JAK2: variants seen among roughly 807,000 people sequenced by gnomAD.
JAK2 encodes tyrosine-protein kinase JAK2.
A neutral mutation model predicts 139.3 loss-of-function variants in JAK2; 86 were observed. The ratio of observed to expected loss-of-function variants is 0.62; its 90% CI spans 0.52 to 0.74. JAK2 has a LOEUF of 0.74. Ranked by LOEUF, JAK2 falls within the 30% of genes least tolerant of loss-of-function variation. The pLI, the probability that JAK2 is intolerant of heterozygous loss-of-function variation, is 0.00. For synonymous variants in JAK2, 490 were observed against 437.7 expected, an observed-to-expected ratio of 1.12 and a Z score of -1.49; for missense variants, 1,421 against 1,360.3, an observed-to-expected ratio of 1.04 and a Z score of -0.70.
rs149753991 is a variant in JAK2 at position 5,023,357 on chromosome 9, A to G, written c.226+1144A>G. ...TGATTACATTCTTTTTTACGATGCCACTGGGCCCCAGGGGAGTACGCATTC... is the reference window on the plus strand; with the variant it reads ...TGATTACATTCTTTTTTACGATGCCGCTGGGCCCCAGGGGAGTACGCATTC... On this transcript the variant is annotated intron_variant, in intron 3 of 24. Transcript: ENST00000381652. 2.6e-5 allele frequency among the ~76,000 whole-genome samples: 4 copies of G among 152,164 alleles called. No individual in the cohort carries two copies. The East Asian group carries it at 7.7e-4, about 29-fold the overall frequency.
intron 8 of JAK2, among the ~76,000 whole-genome samples, chr9:5,062,159 A>C (rs1818222125): frequency 6.6e-6 from 1 of 152,096 alleles, no homozygotes; most frequent in Non-Finnish European, 1.5e-5. Context: ...ATGGATGGAA[A>C]ATATAGTATT....
At chr9:5,041,605 A>G (rs1586687560) in intron 4 of JAK2, 1 of 496,932 alleles carries the variant, frequency 2.0e-6, no homozygotes, top group East Asian at 5.5e-5. Flanking sequence ...GAGAAGCCCG[A>G]CTGTGACTAC....
chr9:5,111,032 C>A, intron 22 of JAK2: 1 of 877,288 alleles, frequency 1.1e-6, no homozygotes, highest in Non-Finnish European at 1.8e-6. Context: ...GCCTCCCTGG[C>A]CGGGGCGCAA....
At chr9:5,006,549 A>C (rs1259273614) in intron 2 of JAK2, among the ~76,000 whole-genome samples, 2 of 152,190 alleles carry the variant, frequency 1.3e-5, no homozygotes, top group Non-Finnish European at 2.9e-5. Context: ...GGCTGTACAC[A>C]AGGCATGGCT....
chr9:5,085,190 T>C (rs1563988285), intron 19 of JAK2: 3 of 658,056 alleles, frequency 4.6e-6, no homozygotes, highest in Admixed American at 1.8e-5. Context: ...AACCATCTCA[T>C]GATCATAGCA....
chr9:5,062,792 A>G (rs1818279782), intron 8 of JAK2, among the ~76,000 whole-genome samples: 1 of 152,146 alleles, frequency 6.6e-6, no homozygotes, highest in African/African-American at 2.4e-5. Flanking sequence ...CTGTCCTGTT[A>G]TATTTCATTT....
intron 20 of JAK2, among the ~76,000 whole-genome samples, chr9:5,090,172 T>C (rs983824570): frequency 6.6e-6 from 1 of 152,256 alleles, no homozygotes; most frequent in African/African-American, 2.4e-5. Context: ...TCGATATCAA[T>C]GAGGAGAAAG....
At chr9:5,105,923 T>TAAAG (rs1385436516) in intron 22 of JAK2, among the ~76,000 whole-genome samples, 1 of 152,214 alleles carries the variant, frequency 6.6e-6, no homozygotes, top group Non-Finnish European at 1.5e-5. Flanking sequence ...CAAGATGGAT[T>TAAAG]AAAGACTTAA....
In JAK2 at chr9:5,042,671, G is replaced by A. The variant is rs77274685; in HGVS notation, c.351-1732G>A. Among the ~76,000 whole-genome samples, 359 of 152,282 alleles carry A rather than the reference G, an allele frequency of 2.4e-3. 3 individuals are homozygous for A. Among genetic ancestry groups the A allele is most frequent in the African/African-American group, 8.1e-3 (336 of 41,570 alleles). ...CCCTCATCCAAAGGCCGTTTTCTCA[G>A]TGGGAGGGCAGGCCTGGCCTGGAGG... On this transcript the variant is annotated intron_variant, in intron 4 of 24. Coordinates refer to ENST00000381652, the MANE Select transcript of JAK2 (RefSeq NM_004972.4).
chr9:5,057,775 G>A (rs534849062), intron 8 of JAK2, among the ~76,000 whole-genome samples: 7 of 151,916 alleles, frequency 4.6e-5, no homozygotes, highest in Admixed American at 1.3e-4. Flanking sequence ...TAGAGACGGG[G>A]TTTCACCATG....
rs1229744947 is a variant in JAK2, at chr9:5,123,213, T to C, written c.3177+92T>C. 6.8e-5 allele frequency: 51 copies of C among 748,900 alleles called. No individual in the cohort carries two copies. The East Asian group carries it at 1.3e-3, about 19-fold the overall frequency. 46.4% of individuals were successfully genotyped at this position (748,900 alleles called of 1,614,324 possible). The stretch of plus-strand genomic sequence containing the variant: ...TACAAGTACAATTTTGCTACATGCA[T>C]ACATTGCATAGTGGTGAAGTCAGAG... On this transcript the variant is annotated intron_variant, in intron 23 of 24. Transcript: ENST00000381652.
chr9:5,023,437 G>A (rs962512515), intron 3 of JAK2, among the ~76,000 whole-genome samples: 2 of 152,280 alleles, frequency 1.3e-5, no homozygotes, highest in East Asian at 1.9e-4. Flanking sequence ...AGGACTCGGG[G>A]GGAGCGTGGG....
chr9:5,022,653 C>T (rs1007094377), intron 3 of JAK2, among the ~76,000 whole-genome samples: 10 of 152,142 alleles, frequency 6.6e-5, no homozygotes, highest in African/African-American at 1.9e-4. Flanking sequence ...CCAATCTTTC[C>T]TCATATATAT....
intron 4 of JAK2, among the ~76,000 whole-genome samples, chr9:5,038,100 A>G (rs1056417835): frequency 1.3e-5 from 2 of 152,174 alleles, no homozygotes; most frequent in Admixed American, 6.5e-5. Flanking sequence ...AAGGCCATTA[A>G]TGATTTGTTC....
chr9:5,110,952 C>T (rs1822445535), intron 22 of JAK2: 1 of 593,834 alleles, frequency 1.7e-6, no homozygotes, highest in Non-Finnish European at 3.2e-6. Flanking sequence ...TGGACACGGA[C>T]AAGGAGCTCA....
chr9:5,047,705 T>A (rs1267570176), intron 5 of JAK2, among the ~76,000 whole-genome samples: 1 of 152,196 alleles, frequency 6.6e-6, no homozygotes, highest in Non-Finnish European at 1.5e-5. Context: ...TTGTCTTGCT[T>A]CAGCCTGTCA....
intron 2 of JAK2, among the ~76,000 whole-genome samples, chr9:4,999,603 G>A (rs919918499): frequency 6.6e-6 from 1 of 152,202 alleles, no homozygotes; most frequent in East Asian, 1.9e-4. Flanking sequence ...CTGTCTGCAA[G>A]CTTGAGGAGC....
At chr9:4,998,914 C>A (rs915112911) in intron 2 of JAK2, among the ~76,000 whole-genome samples, 1 of 151,958 alleles carries the variant, frequency 6.6e-6, no homozygotes, top group Non-Finnish European at 1.5e-5. Context: ...CTCCGCCTCC[C>A]GGGTTCACGC....
At chr9:5,036,004 C>T (rs190828634) in intron 4 of JAK2, among the ~76,000 whole-genome samples, 125 of 152,282 alleles carry the variant, frequency 8.2e-4, no homozygotes, top group African/African-American at 2.9e-3. Flanking sequence ...CCCAAAATCT[C>T]CTTAAGCTGA....
Sources: allele counts gnomAD v4.1 joint callset (sites outside exome capture counted in the v4.1 genomes callset), GRCh38; gene constraint gnomAD v4.1.1; transcripts MANE v1.5; gene names NCBI Gene and HGNC (gene_info 2026-07-23, HGNC 2026-07-21).